Variants in ARHGAP32 observed in about 807,000 individuals in gnomAD.
The protein encoded by ARHGAP32 is Rho GTPase activating protein 32.
ARHGAP32 carries 51 observed loss-of-function variants against 186.5 expected under a neutral mutation model. The observed-to-expected ratio is 0.27, with a 90% confidence interval of 0.22 to 0.35. The LOEUF (loss-of-function observed/expected upper bound fraction) is 0.35, where lower values mean the gene tolerates loss of function less well. Among genes scored for constraint, ARHGAP32 ranks in the 10% least tolerant of loss-of-function variants. The pLI is 1.00. For missense variants in ARHGAP32, 2,186 were observed against 2,623.5 expected, an observed-to-expected ratio of 0.83 and a Z score of 3.64; for synonymous variants, 950 against 964.3, an observed-to-expected ratio of 0.99 and a Z score of 0.27.
intron 10 of ARHGAP32, among the ~76,000 whole-genome samples, chr11:129,050,458 A>G (rs1274192974): frequency 6.6e-6 from 1 of 152,104 alleles, no homozygotes; most frequent in Non-Finnish European, 1.5e-5. Flanking sequence ...CTCCTGCCTC[A>G]GCCTCCCAAG....
At chr11:129,017,101 C>T (rs940119457) in intron 11 of ARHGAP32, among the ~76,000 whole-genome samples, 1 of 152,178 alleles carries the variant, frequency 6.6e-6, no homozygotes, top group African/African-American at 2.4e-5. Flanking sequence ...GCCTCTGCAG[C>T]TCCTAACGGT....
chr11:129,147,860 A>G (rs1943200561), intron 2 of ARHGAP32, among the ~76,000 whole-genome samples: 1 of 152,160 alleles, frequency 6.6e-6, no homozygotes, highest in Non-Finnish European at 1.5e-5. Flanking sequence ...TTATCCTTCA[A>G]TAAAATGAAA....
intron 1 of ARHGAP32, among the ~76,000 whole-genome samples, chr11:129,168,081 A>G (rs1169756770): frequency 6.6e-6 from 1 of 151,590 alleles, no homozygotes; most frequent in Non-Finnish European, 1.5e-5. Context: ...CCCATCTGTA[A>G]AAAAAAATAC....
At chr11:129,056,387 T>C (rs1399959354) in intron 10 of ARHGAP32, among the ~76,000 whole-genome samples, 2 of 152,032 alleles carry the variant, frequency 1.3e-5, no homozygotes, top group Admixed American at 6.6e-5. Flanking sequence ...GCTTAGACTA[T>C]AGACATGTAC....
At chr11:129,044,065 C>G (rs765908116) in intron 10 of ARHGAP32, among the ~76,000 whole-genome samples, 1 of 151,774 alleles carries the variant, frequency 6.6e-6, no homozygotes, top group Admixed American at 6.6e-5. Context: ...AAGTTTTCAT[C>G]ATGTTTTATA....
intron 6 of ARHGAP32, among the ~76,000 whole-genome samples, chr11:129,092,469 A>G (rs1941607213): frequency 6.6e-6 from 1 of 151,998 alleles, no homozygotes; most frequent in Admixed American, 6.6e-5. Flanking sequence ...TCACTTAAAA[A>G]TTAACTCACC....
intron 11 of ARHGAP32, among the ~76,000 whole-genome samples, chr11:129,026,662 G>A (rs988905819): frequency 4.0e-5 from 6 of 151,826 alleles, no homozygotes; most frequent in Admixed American, 1.3e-4. Flanking sequence ...GCATGGTGGC[G>A]CATGCCTGTA....
At position 128,975,074 on chromosome 11, in the gene ARHGAP32, C is replaced by T. The variant is rs183200133; in HGVS notation, c.2195-72G>A. ...AGAATGCTGTGGTAAGTCACCTACT[C>T]AGCACAGCAGTAACTTACTATCTAG... On this transcript the variant is annotated intron_variant, in intron 20 of 22. Transcript: ENST00000682385. 1,208 of 1,226,184 alleles carry T rather than the reference C, an allele frequency of 9.9e-4. 16 individuals carry two copies. The South Asian group carries it at 0.01, about 10-fold the overall frequency. 76.0% of individuals were successfully genotyped at this position (1,226,184 alleles called of 1,614,324 possible).
intron 1 of ARHGAP32, among the ~76,000 whole-genome samples, chr11:129,213,417 G>A (rs979157600): frequency 2.0e-5 from 3 of 152,202 alleles, no homozygotes; most frequent in Admixed American, 6.5e-5. Flanking sequence ...ACTGACAGCC[G>A]GTAATAATAT....
intron 11 of ARHGAP32, among the ~76,000 whole-genome samples, chr11:129,023,230 A>G (rs1305468482): frequency 6.6e-6 from 1 of 152,168 alleles, no homozygotes; most frequent in Non-Finnish European, 1.5e-5. Flanking sequence ...ACACCACCTT[A>G]GTGGTAAAAT....
intron 6 of ARHGAP32, among the ~76,000 whole-genome samples, chr11:129,075,257 C>T (rs1038489975): frequency 3.6e-4 from 54 of 151,966 alleles, no homozygotes; most frequent in Non-Finnish European, 4.6e-4. Context: ...TAAAAGAAAT[C>T]AACTTTAAAT....
At chr11:129,207,496 T>A (rs1481755407) in intron 1 of ARHGAP32, among the ~76,000 whole-genome samples, 1 of 152,250 alleles carries the variant, frequency 6.6e-6, no homozygotes, top group Admixed American at 6.5e-5. Flanking sequence ...ACAGTGATGA[T>A]AAGCTTTTTT....
At chr11:129,233,215 T>C (rs1001639387) in intron 1 of ARHGAP32, among the ~76,000 whole-genome samples, 1 of 152,262 alleles carries the variant, frequency 6.6e-6, no homozygotes, top group South Asian at 2.1e-4. Flanking sequence ...GATGATATGA[T>C]GTCAGGGATT....
chr11:129,275,123 T>C (rs1283691313), intron 1 of ARHGAP32, among the ~76,000 whole-genome samples: 2 of 152,232 alleles, frequency 1.3e-5, no homozygotes, highest in African/African-American at 4.8e-5. Flanking sequence ...GCTTATCAGC[T>C]GTTAACTAAG....
intron 6 of ARHGAP32, among the ~76,000 whole-genome samples, chr11:129,087,367 T>C (rs1941438620): frequency 6.6e-6 from 1 of 152,210 alleles, no homozygotes; most frequent in African/African-American, 2.4e-5. Context: ...GATGAATGAA[T>C]ACATAAAATG....
Position 128,988,091 on chromosome 11 carries a change from A to G in ARHGAP32, c.1230T>C (p.Ile410=), listed in dbSNP as rs375189618. 1.2e-6 allele frequency: 2 copies of G among 1,613,328 alleles called. No individual in the cohort carries two copies. The highest frequency in any genetic ancestry group is 2.7e-5 in the African/African-American group (2 of 74,914). ...PQVLQSCTAF[I]ERYGIVDGIY... ...TTCCATCCACGATGCCATATCTCTC[A>G]ATGAATGCTGTGCAGCTTTGAAGAA... is the stretch of plus-strand genomic sequence containing the variant. The change falls in exon 13 of 23, where the codon ATT becomes ATC. Residue 410 remains isoleucine (I), a synonymous_variant. Transcript: ENST00000682385.
Position 129,123,955 on chromosome 11 carries a change from C to A in ARHGAP32, c.318-26G>T. On this transcript the variant is annotated intron_variant, in intron 3 of 22. Coordinates refer to ENST00000682385, the MANE Select transcript of ARHGAP32 (RefSeq NM_001378024.1). The surrounding 1 kb of genome is among the most constrained non-coding windows in gnomAD (Gnocchi z 4.6). ...CTGAACGCAGAATGAACATTTTTAT[C>A]CTTGTCTTTCCTCTACTTACACATG... 1 of 1,284,944 alleles carries A rather than the reference C, an allele frequency of 7.8e-7. No homozygotes were observed. 79.6% of individuals were successfully genotyped at this position (1,284,944 alleles called of 1,614,324 possible).
intron 6 of ARHGAP32, among the ~76,000 whole-genome samples, chr11:129,083,446 T>C (rs898742959): frequency 6.6e-6 from 1 of 152,196 alleles, no homozygotes; most frequent in Admixed American, 6.5e-5. Flanking sequence ...TTGAAGACCA[T>C]TATTCTAAGT....
chr11:129,274,718 T>C (rs1945510716), intron 1 of ARHGAP32, among the ~76,000 whole-genome samples: 3 of 152,068 alleles, frequency 2.0e-5, no homozygotes, highest in Non-Finnish European at 2.9e-5. Flanking sequence ...CAGTGTAATA[T>C]AAAAGTCTCT....
Sources: gnomAD v4.1 joint callset for allele counts (sites outside exome capture counted in the v4.1 genomes callset) on GRCh38, gnomAD v4.1.1 for gene constraint, Gnocchi (gnomAD v3.1) non-coding constraint, MANE v1.5 for transcripts, NCBI Gene and HGNC (gene_info 2026-07-23, HGNC 2026-07-21) for gene names.